The following GPC5 variants were observed in gnomAD, a reference collection of about 807,000 sequenced individuals.
The protein encoded by GPC5 is glypican 5.
In GPC5, 47 loss-of-function variants were observed where a neutral mutation model predicts 53.9. The observed-to-expected ratio is 0.87, with a 90% CI of 0.69 to 1.11. The LOEUF is 1.11. GPC5 is among the 50% of genes most tolerant of loss of function. The probability of loss-of-function intolerance (pLI) is 0.00; values close to 1 mark genes in which losing one functional copy is unlikely to be tolerated. For synonymous variants in GPC5, 286 were observed against 263.3 expected (o/e 1.09, Z -0.84); for missense variants, 748 against 713.1 (o/e 1.05, Z -0.56).
intron 5 of GPC5, among the ~76,000 whole-genome samples, chr13:91,893,495 C>T (rs2039409717): frequency 1.3e-5 from 2 of 152,056 alleles, no homozygotes; most frequent in African/African-American, 4.8e-5. Flanking sequence ...GTAGACACAA[C>T]ATATACCATA....
At chr13:92,154,624 G>A (rs2041930346) in intron 7 of GPC5, among the ~76,000 whole-genome samples, 1 of 152,044 alleles carries the variant, frequency 6.6e-6, no homozygotes, top group African/African-American at 2.4e-5. Context: ...CTCACATTTT[G>A]CCAGCTGGTA....
At chr13:92,029,097 TA>T (rs1258544672) in intron 6 of GPC5, among the ~76,000 whole-genome samples, 1 of 152,228 alleles carries the variant, frequency 6.6e-6, no homozygotes, top group African/African-American at 2.4e-5. Flanking sequence ...TATATTTATC[TA>T]ATTTCTTGAA....
At chr13:91,517,116 G>A (rs1885547261) in intron 2 of GPC5, among the ~76,000 whole-genome samples, 1 of 152,134 alleles carries the variant, frequency 6.6e-6, no homozygotes, top group African/African-American at 2.4e-5. Flanking sequence ...TGGTCTTGGG[G>A]ATTAAGATTA....
chr13:91,739,194 G>C (rs1453214000), intron 4 of GPC5, among the ~76,000 whole-genome samples: 1 of 151,358 alleles, frequency 6.6e-6, no homozygotes, highest in African/African-American at 2.5e-5. Flanking sequence ...GTGTCTAAGT[G>C]GTATGGAAAG....
chr13:91,842,111 C>A (rs2038794332), intron 5 of GPC5, among the ~76,000 whole-genome samples: 1 of 151,910 alleles, frequency 6.6e-6, no homozygotes, highest in Non-Finnish European at 1.5e-5. Flanking sequence ...CAGAATTAAA[C>A]CATGTTCTAC....
chr13:91,416,646 C>A (rs12872130), intron 1 of GPC5, among the ~76,000 whole-genome samples: 15,060 of 151,780 alleles, frequency 0.099, 982 homozygotes, highest in East Asian at 0.18. Context: ...GTGTGATGTT[C>A]CCTGCCCAAG....
chr13:92,018,120 A>G (rs1053553981), intron 6 of GPC5, among the ~76,000 whole-genome samples: 1 of 152,116 alleles, frequency 6.6e-6, no homozygotes, highest in Admixed American at 6.5e-5. Context: ...GAATTGCCAA[A>G]TTCATTGCTA....
intron 7 of GPC5, among the ~76,000 whole-genome samples, chr13:92,595,377 G>A (rs1269756164): frequency 4.6e-5 from 7 of 152,136 alleles, no homozygotes. Context: ...TATTATTGAT[G>A]TCTTATATTG....
At chr13:91,595,303 C>T (rs764956983) in intron 2 of GPC5, among the ~76,000 whole-genome samples, 2 of 152,014 alleles carry the variant, frequency 1.3e-5, no homozygotes, top group East Asian at 1.9e-4. Flanking sequence ...CGTGAGGCAC[C>T]GTGCCCGGCC....
intron 7 of GPC5, among the ~76,000 whole-genome samples, chr13:92,212,732 G>A (rs1178772524): frequency 6.6e-6 from 1 of 152,126 alleles, no homozygotes; most frequent in Non-Finnish European, 1.5e-5. Flanking sequence ...CTCCACTAAT[G>A]TCCTCTGGGC....
intron 7 of GPC5, among the ~76,000 whole-genome samples, chr13:92,778,874 T>C (rs982123398): frequency 1.3e-5 from 2 of 152,222 alleles, no homozygotes; most frequent in African/African-American, 2.4e-5. Flanking sequence ...TGTTTCTGTA[T>C]GTACCTGCGA....
At chr13:92,676,675 T>C (rs1273981288) in intron 7 of GPC5, among the ~76,000 whole-genome samples, 1 of 152,152 alleles carries the variant, frequency 6.6e-6, no homozygotes. Context: ...CAGACCGACA[T>C]TGAGCCTACC....
chr13:92,834,107 A>G (rs1878142729), intron 7 of GPC5, among the ~76,000 whole-genome samples: 1 of 152,146 alleles, frequency 6.6e-6, no homozygotes, highest in Non-Finnish European at 1.5e-5. Flanking sequence ...AGAGACAGAA[A>G]ACAAATTTAG....
chr13:91,952,575 C>T (rs1016584328), intron 6 of GPC5, among the ~76,000 whole-genome samples: 3 of 151,926 alleles, frequency 2.0e-5, no homozygotes, highest in African/African-American at 7.3e-5. Flanking sequence ...CCTTGAGTTA[C>T]CAAAAAGAAT....
intron 3 of GPC5, among the ~76,000 whole-genome samples, chr13:91,721,425 G>A (rs769617986): frequency 1.6e-4 from 25 of 152,074 alleles, no homozygotes; most frequent in African/African-American, 2.4e-4. Context: ...GTGAGCCACC[G>A]TGCCCAGCCT....
chr13:92,415,070 A>T (rs914932440), intron 7 of GPC5, among the ~76,000 whole-genome samples: 1 of 152,202 alleles, frequency 6.6e-6, no homozygotes, highest in Non-Finnish European at 1.5e-5. Flanking sequence ...CTGTTCAAAT[A>T]ACTGAAGGGA....
chr13:91,504,262 T>C (rs979005854), intron 2 of GPC5, among the ~76,000 whole-genome samples: 15 of 152,152 alleles, frequency 9.9e-5, no homozygotes, highest in African/African-American at 2.9e-4. Context: ...GTACTGCTTA[T>C]GTGACTTTAA....
At chr13:91,436,872 T>A (rs1031172304) in intron 1 of GPC5, among the ~76,000 whole-genome samples, 3 of 152,238 alleles carry the variant, frequency 2.0e-5, no homozygotes, top group Non-Finnish European at 4.4e-5. Flanking sequence ...TGGGTGCTCC[T>A]GTATTGGGTG....
At chr13:92,330,163 G>T (rs2139234493) in intron 7 of GPC5, among the ~76,000 whole-genome samples, 1 of 152,262 alleles carries the variant, frequency 6.6e-6, no homozygotes, top group African/African-American at 2.4e-5. Flanking sequence ...CGATAGGTTG[G>T]TAAACTGAGA....
Sources: allele counts gnomAD v4.1 joint callset (sites outside exome capture counted in the v4.1 genomes callset), GRCh38; gene constraint gnomAD v4.1.1; transcripts MANE v1.5; gene names NCBI Gene and HGNC (gene_info 2026-07-23, HGNC 2026-07-21).